The following PRRC2B variants were observed in gnomAD, a reference collection of about 807,000 sequenced individuals.
The protein encoded by PRRC2B is protein PRRC2B.
In PRRC2B, 68 loss-of-function variants were observed where a neutral mutation model predicts 242.3. The ratio of observed to expected loss-of-function variants is 0.28; its 90% confidence interval spans 0.23 to 0.34. The LOEUF (loss-of-function observed/expected upper bound fraction) is 0.34. Ranked by LOEUF, PRRC2B falls within the 10% of genes least tolerant of loss-of-function variation. The pLI is 1.00. For missense variants in PRRC2B, 2,835 were observed against 2,954.8 expected, an observed-to-expected ratio of 0.96 and a Z score of 0.94; for synonymous variants, 1,228 against 1,173.6, an observed-to-expected ratio of 1.05 and a Z score of -0.95.
chr9:131,448,547 A>AAAAAAAAAAAAAAAAC lies in PRRC2B; in HGVS notation c.1120+758_1120+759insCAAAAAAAAAAAAAAA, dbSNP rs1564287275. Among the ~76,000 whole-genome samples the AAAAAAAAAAAAAAAAC allele has an allele frequency of 1.2e-3, 114 of 98,926 alleles. 10 individuals carry two copies. Among genetic ancestry groups the AAAAAAAAAAAAAAAAC allele is most frequent in the Non-Finnish European group, 2.0e-3 (97 of 47,434 alleles). 64.9% of individuals were successfully genotyped at this position (98,926 alleles called of 152,430 possible). A position where few individuals can be genotyped will look rare whatever the true frequency, so the allele number is the denominator to read the frequency against. ...CGACAGAGGGAGACACTGTCTCAAA[A>AAAAAAAAAAAAAAAAC]AAAAAAAAAAAAAAAAAAAAAAAGG... is the stretch of plus-strand genomic sequence containing the variant. On this transcript the variant is annotated intron_variant, in intron 9 of 31. Coordinates refer to ENST00000683519, the MANE Select transcript of PRRC2B (RefSeq NM_013318.4).
intron 25 of PRRC2B, 69 bp from the exon 26 acceptor site, chr9:131,486,016 C>A: frequency 1.9e-6 from 2 of 1,061,700 alleles, no homozygotes; most frequent in Non-Finnish European, 1.4e-6. Flanking sequence ...TAGACTGTTT[C>A]CCTCAGGGAC....
intron 29 of PRRC2B, 25 bp from the exon 30 acceptor site, chr9:131,492,144 G>C: frequency 1.3e-6 from 2 of 1,591,378 alleles, no homozygotes; most frequent in Non-Finnish European, 1.7e-6. Context: ...TCAAATGACA[G>C]CTTGTTCCTG....
chr9:131,428,088 A>C (rs1400591923), intron 1 of PRRC2B, among the ~76,000 whole-genome samples: 1 of 151,532 alleles, frequency 6.6e-6, no homozygotes. Flanking sequence ...TGCCCAGCTA[A>C]TTTTTGTATT....
chr9:131,399,776 TTATAGTG>T (rs2131281557), intron 1 of PRRC2B, among the ~76,000 whole-genome samples: 1 of 152,316 alleles, frequency 6.6e-6, no homozygotes, highest in East Asian at 1.9e-4. Context: ...CCTTTTAATG[TTATAGTG>T]TATTCCTCTA....
At chr9:131,481,001 T>C (rs1285420446) in intron 19 of PRRC2B, among the ~76,000 whole-genome samples, 7 of 151,528 alleles carry the variant, frequency 4.6e-5, no homozygotes, top group Admixed American at 3.9e-4. Context: ...CCTGTCTCTA[T>C]TGTTTAAAAA....
At chr9:131,374,112 T>G (rs1305842118) in intron 1 of PRRC2B, among the ~76,000 whole-genome samples, 2 of 150,546 alleles carry the variant, frequency 1.3e-5, no homozygotes, top group African/African-American at 4.9e-5. Context: ...ACGTTTGAGG[T>G]AATGGATATT....
intron 25 of PRRC2B, chr9:131,485,628 A>AGG (rs1443220931): frequency 1.9e-6 from 1 of 532,792 alleles, no homozygotes; most frequent in Non-Finnish European, 3.7e-6. Context: ...AGTGTCCCCA[A>AGG]GGGGAAGCGT....
At chr9:131,395,196 C>G (rs932888223) in intron 1 of PRRC2B, among the ~76,000 whole-genome samples, 6 of 152,014 alleles carry the variant, frequency 3.9e-5, no homozygotes, top group Non-Finnish European at 7.4e-5. Context: ...TGGGGAGTGT[C>G]TTTTGCTAAA....
chr9:131,385,899 T>C (rs1448676969), intron 1 of PRRC2B, among the ~76,000 whole-genome samples: 6 of 150,222 alleles, frequency 4.0e-5, no homozygotes, highest in African/African-American at 1.2e-4. Flanking sequence ...TTCACCATGT[T>C]AGCCAGGATG....
intron 1 of PRRC2B, among the ~76,000 whole-genome samples, chr9:131,427,931 CTTG>C (rs1488662452): frequency 1.3e-5 from 2 of 151,824 alleles, no homozygotes; most frequent in African/African-American, 2.4e-5. Flanking sequence ...TGTTTTTGTT[CTTG>C]TTGTTGAGAT....
At chr9:131,442,741 C>T (rs1043213663) in intron 5 of PRRC2B, among the ~76,000 whole-genome samples, 3 of 152,222 alleles carry the variant, frequency 2.0e-5, no homozygotes, top group Admixed American at 6.5e-5. Context: ...TGTGTGGTGT[C>T]GCCACTGTTC....
chr9:131,459,727 C>G (rs76436746), intron 11 of PRRC2B, among the ~76,000 whole-genome samples: 2 of 151,972 alleles, frequency 1.3e-5, no homozygotes, highest in Non-Finnish European at 2.9e-5. Flanking sequence ...TTTGTAGAGA[C>G]GAGGTCTTAC....
intron 5 of PRRC2B, among the ~76,000 whole-genome samples, chr9:131,440,372 A>G (rs1400495207): frequency 6.6e-6 from 1 of 152,106 alleles, no homozygotes; most frequent in Non-Finnish European, 1.5e-5. Context: ...GTGCAGTGGC[A>G]CAATAGCTCA....
At chr9:131,418,050 C>G (rs78649158) in intron 1 of PRRC2B, among the ~76,000 whole-genome samples, 1 of 152,200 alleles carries the variant, frequency 6.6e-6, no homozygotes, top group Non-Finnish European at 1.5e-5. Flanking sequence ...TCCCTCCAGA[C>G]GCCTTGAGAA....
Position 131,444,190 on chromosome 9 carries a change from A to G in PRRC2B, c.475A>G (p.Arg159Gly). 1 of 1,613,962 alleles carries G rather than the reference A, an allele frequency of 6.2e-7. No homozygotes were observed. Among genetic ancestry groups the G allele is most frequent in the Non-Finnish European group, 8.5e-7 (1 of 1,179,860 alleles). The change falls in exon 6 of 32, where the codon AGG becomes GGG. Residue 159 changes from arginine to glycine, a missense_variant. Transcript: ENST00000683519. ...GKPVGHEGGLRGSSRLLSFSP... is the reference protein window; with the variant it reads ...GKPVGHEGGLGGSSRLLSFSP... ...CTACCCCGTCTTCTTGACAGGTTTA[A>G]GGGGCTCAAGCCGACTGTTATCCTT...
upstream of PRRC2B, among the ~76,000 whole-genome samples, chr9:131,390,781 C>CTT (rs57100225): frequency 4.0e-3 from 146 of 36,828 alleles, no homozygotes; most frequent in Non-Finnish European, 4.9e-3. Context: ...TGTGCCCTAG[C>CTT]TTTTTTTTTT....
intron 28 of PRRC2B, among the ~76,000 whole-genome samples, chr9:131,489,839 T>C (rs1944135023): frequency 6.6e-6 from 1 of 152,196 alleles, no homozygotes; most frequent in Non-Finnish European, 1.5e-5. Flanking sequence ...GCTGACCCCG[T>C]AATCCCGCCC....
chr9:131,447,430 T>A (rs1025870446), intron 8 of PRRC2B, among the ~76,000 whole-genome samples: 1 of 152,134 alleles, frequency 6.6e-6, no homozygotes, highest in Admixed American at 6.5e-5. Flanking sequence ...CTGGCACGTG[T>A]GTGTTGCTGC....
Position 131,430,154 on chromosome 9 carries a change from C to T in PRRC2B, c.10C>T (p.Arg4Cys), listed in dbSNP as rs892539163. 3.1e-6 allele frequency: 5 copies of T among 1,599,742 alleles called. No individual in the cohort carries two copies. The highest frequency in any genetic ancestry group is 2.3e-5 in the South Asian group (2 of 88,742). The change falls in exon 2 of 32, where the codon CGT (arginine) becomes TGT (cysteine). Residue 4 changes from arginine to cysteine, a missense_variant. By Grantham distance (180) the Arg-to-Cys change is radical (BLOSUM62 -3). Transcript: ENST00000683519. ...ATGACATTTCATCGCAATGTCCGAT[C>T]GTTTGGGGCAAATTACCAAGGGCAA... MSD[R>C]LGQITKGKDG...
Sources: allele counts gnomAD v4.1 joint callset (sites outside exome capture counted in the v4.1 genomes callset), GRCh38; gene constraint gnomAD v4.1.1; transcripts MANE v1.5; gene names NCBI Gene and HGNC (gene_info 2026-07-23, HGNC 2026-07-21).